The following DMD variants were observed in gnomAD, a reference collection of about 807,000 sequenced individuals.
DMD encodes dystrophin.
DMD carries 63 observed loss-of-function variants against 330.1 expected under a neutral mutation model. That is an observed-to-expected ratio of 0.19 (90% confidence interval 0.16 to 0.24). The LOEUF is 0.24. Among genes scored for constraint, DMD ranks in the 10% least tolerant of loss-of-function variants. DMD has a pLI of 1.00. For synonymous variants in DMD, 1,223 were observed against 959.8 expected (o/e 1.27, Z -5.07); for missense variants, 3,344 against 2,684.1 (o/e 1.25, Z -5.43).
chrX:32,643,186 T>C (rs1286790861), intron 11 of DMD, among the ~76,000 whole-genome samples: 1 of 111,205 alleles, frequency 9.0e-6, no homozygotes, highest in Non-Finnish European at 1.9e-5. Context: ...GGAATACATA[T>C]ATAGTTATGA....
At chrX:31,152,184 CTTT>C (rs1161340463) in intron 74 of DMD, among the ~76,000 whole-genome samples, 1 of 98,371 alleles carries the variant, frequency 1.0e-5, no homozygotes, top group African/African-American at 3.9e-5. Context: ...CTTTAAGCAT[CTTT>C]TTTTTTTTTT....
intron 47 of DMD, among the ~76,000 whole-genome samples, chrX:31,900,654 G>A (rs1448273741): frequency 9.0e-6 from 1 of 111,503 alleles, no homozygotes; most frequent in Non-Finnish European, 1.9e-5. Flanking sequence ...ATGTGGAAGC[G>A]ACTTTGGAAG....
chrX:33,179,807 C>T lies in DMD; in HGVS notation c.31+31475G>A, dbSNP rs770730609. Among the ~76,000 whole-genome samples the T allele has an allele frequency of 3.7e-5, 4 of 109,164 alleles. No individual in the cohort carries two copies. In the South Asian group the frequency reaches 1.6e-3, roughly 43 times the overall value. The allele number at this position is 109,164 out of a possible 115,157, so 94.8% of individuals were successfully genotyped here. ...ATCAGCATACCAAAACTATTACAAT[C>T]TTAGAAATCCATTATGATTTTTAAA... On this transcript the variant is annotated intron_variant, in intron 1 of 78. Transcript: ENST00000357033.
intron 2 of DMD, among the ~76,000 whole-genome samples, chrX:32,921,041 G>A (rs2146568258): frequency 8.9e-6 from 1 of 112,015 alleles, no homozygotes; most frequent in East Asian, 2.8e-4. Context: ...ATGGAATAGA[G>A]GCCTTCATTA....
At chrX:33,208,877 A>G (rs952449718) in intron 1 of DMD, among the ~76,000 whole-genome samples, 2 of 111,353 alleles carry the variant, frequency 1.8e-5, no homozygotes, top group Non-Finnish European at 3.8e-5. Flanking sequence ...TAAAATTTTG[A>G]TGAAAGATAA....
At chrX:32,651,120 T>A (rs1333349389) in intron 9 of DMD, among the ~76,000 whole-genome samples, 2 of 100,682 alleles carry the variant, frequency 2.0e-5, no homozygotes, top group Non-Finnish European at 3.8e-5. Flanking sequence ...ACAGCACTTT[T>A]AAAAAAATAT....
chrX:32,015,570 A>G (rs1399705836), intron 44 of DMD, among the ~76,000 whole-genome samples: 2 of 111,529 alleles, frequency 1.8e-5, no homozygotes, highest in African/African-American at 6.5e-5. Context: ...CCCTTTGAGA[A>G]CTACTACTCT....
At chrX:33,308,779 T>G (rs2148945884) in intron 1 of DMD, among the ~76,000 whole-genome samples, 1 of 111,946 alleles carries the variant, frequency 8.9e-6, no homozygotes, top group Admixed American at 9.6e-5. Flanking sequence ...ATGTTAATTT[T>G]GGGAATTTTT....
intron 63 of DMD, among the ~76,000 whole-genome samples, chrX:31,224,073 T>C (rs2046354875): frequency 9.0e-6 from 1 of 111,564 alleles, no homozygotes; most frequent in Non-Finnish European, 1.9e-5. Context: ...CCTTGATAGA[T>C]ACTGGGCTAC....
rs868233521 is a variant in DMD, at chrX:31,247,425, C to A, written c.9286+13530G>T. 8.2e-5 allele frequency among the ~76,000 whole-genome samples: 9 copies of A among 109,486 alleles called. No homozygotes were observed. The Admixed American group carries it at 8.8e-4, about 11-fold the overall frequency. ...GACCAGCCTGGCCAAAATGGTGAAA[C>A]CCCGTCTCTACTAAAAATACAAAAA... is the stretch of plus-strand genomic sequence containing the variant. On this transcript the variant is annotated intron_variant, in intron 63 of 78. Transcript: ENST00000357033.
At chrX:31,497,643 C>T (rs1174032708) in intron 56 of DMD, among the ~76,000 whole-genome samples, 4 of 111,907 alleles carry the variant, frequency 3.6e-5, no homozygotes, top group Non-Finnish European at 5.6e-5. Flanking sequence ...AGTGCTTTAC[C>T]GTCAACTGTA....
chrX:32,830,933 C>G (rs1043792719), intron 4 of DMD, among the ~76,000 whole-genome samples: 1 of 111,233 alleles, frequency 9.0e-6, no homozygotes, highest in Non-Finnish European at 1.9e-5. Flanking sequence ...CATAGAAAAC[C>G]TAATACATTA....
At chrX:32,621,605 G>T (rs970475632) in intron 11 of DMD, among the ~76,000 whole-genome samples, 1 of 109,829 alleles carries the variant, frequency 9.1e-6, no homozygotes, top group African/African-American at 3.3e-5. Context: ...GATTATAGGC[G>T]CGAGTCCCCG....
At chrX:33,262,214 T>C (rs1283419350) in intron 1 of DMD, among the ~76,000 whole-genome samples, 1 of 111,532 alleles carries the variant, frequency 9.0e-6, no homozygotes. Context: ...ACAGCTTAAG[T>C]ATCTGGATTG....
chrX:33,157,806 A>C (rs1216983700), intron 1 of DMD, among the ~76,000 whole-genome samples: 4 of 111,227 alleles, frequency 3.6e-5, no homozygotes, highest in Non-Finnish European at 5.7e-5. Context: ...AAAATACAAA[A>C]ATTAGCCAGG....
chrX:32,981,017 C>G (rs1412621682), intron 2 of DMD, among the ~76,000 whole-genome samples: 1 of 111,382 alleles, frequency 9.0e-6, no homozygotes, highest in Non-Finnish European at 1.9e-5. Flanking sequence ...CTCAATTCCT[C>G]CTCCAAAAAT....
chrX:31,622,815 C>T (rs921050586), intron 55 of DMD, among the ~76,000 whole-genome samples: 2 of 101,301 alleles, frequency 2.0e-5, no homozygotes, highest in African/African-American at 3.6e-5. Context: ...AGCAAAGATA[C>T]GCTGAATTAA....
Position 32,364,696 on chromosome X carries a change from G to A in DMD, c.5040C>T (p.His1680=), listed in dbSNP as rs72468632. 5 of 1,206,994 alleles carry A rather than the reference G, an allele frequency of 4.1e-6. No homozygotes were observed. The Admixed American group carries it at 8.8e-5, about 21-fold the overall frequency. ...WLNLLLEYQK[H]METFDQNVDH... is the part of the protein sequence containing the mutation. ...CCACATTCTGGTCAAAAGTTTCCAT[G>A]TGTTTCTGGTATTCCTTAATTGTAC... Residue 1680 remains histidine (H), a synonymous_variant, in exon 36 of 79, where the codon CAC becomes CAT. Transcript: ENST00000357033.
chrX:31,811,869 C>T (rs2092467208), intron 50 of DMD, among the ~76,000 whole-genome samples: 1 of 110,814 alleles, frequency 9.0e-6, no homozygotes, highest in Admixed American at 9.6e-5. Flanking sequence ...GGTTATATAC[C>T]CCTCCCCTGC....
Sources: gnomAD v4.1 joint callset for allele counts (sites outside exome capture counted in the v4.1 genomes callset) on GRCh38, gnomAD v4.1.1 for gene constraint, MANE v1.5 for transcripts, NCBI Gene and HGNC (gene_info 2026-07-23, HGNC 2026-07-21) for gene names.